Variants in ZRANB2 observed in about 807,000 individuals in gnomAD.
The protein encoded by ZRANB2 is zinc finger Ran-binding domain-containing protein 2.
In ZRANB2, 19 loss-of-function variants were observed where a neutral mutation model predicts 53.4. The ratio of observed to expected loss-of-function variants is 0.36; its 90% CI spans 0.25 to 0.52. ZRANB2 has a LOEUF of 0.52. ZRANB2 is among the 20% of genes least tolerant of loss of function. The probability of loss-of-function intolerance (pLI) is 0.93; values close to 1 mark genes in which losing one functional copy is unlikely to be tolerated. For synonymous variants in ZRANB2, 145 were observed against 134.8 expected (o/e 1.08, Z -0.52); for missense variants, 309 against 401.1 (o/e 0.77, Z 1.96).
At position 71,065,096 on chromosome 1, in the gene ZRANB2, C is replaced by T. The variant is rs752746050; in HGVS notation, c.971G>A (p.Arg324His). The change falls in exon 10 of 10, where the codon CGT becomes CAT. Residue 324 changes from arginine to histidine, a missense_variant. This residue lies in a region of ZRANB2 where 211 missense variants were observed against 196.1 expected (regional missense o/e 1.08). Transcript: ENST00000370920. The stretch of plus-strand genomic sequence containing the variant: ...ACATTATTTCTTTTTTGAACTTGAA[C>T]GGGAACCAGAATGGGATGATCCAGA... ...SSSGSSHSGS[R>H]SSSKKK is the part of the protein sequence containing the mutation. 23 of 1,610,740 alleles carry T rather than the reference C, an allele frequency of 1.4e-5. No homozygotes were observed. The East Asian group carries it at 1.6e-4, about 11-fold the overall frequency.
Position 71,069,332 on chromosome 1 carries a change from C to G in ZRANB2, c.714G>C (p.Gln238His). 6.2e-7 allele frequency: 1 copy of G among 1,612,828 alleles called. No homozygotes were observed. The highest frequency in any genetic ancestry group is 1.1e-5 in the South Asian group (1 of 91,006). Residue 238 changes from glutamine (Q) to histidine (H), a missense_variant, in exon 8 of 10, where the codon CAG (glutamine) becomes CAC (histidine). Transcript: ENST00000370920. ...CTCTGGAACTGGAACGAGATCTTGA[C>G]TGCGAACTGGAAGAACTTCTTGAAC... ...RSRSRSSSSS[Q>H]SRSRSSSRER... is the part of the protein sequence containing the mutation.
chr1:71,078,734 T>C lies in ZRANB2; in HGVS notation c.57-26A>G, dbSNP rs201468443. On this transcript the variant is annotated intron_variant, in intron 1 of 9. Coordinates refer to ENST00000370920, the MANE Select transcript of ZRANB2 (RefSeq NM_203350.3). ...CTAAAAACAGATTAAAAAGCATTTA[T>C]AAAAATTTAAATTTGTAAAATTTTA... is the stretch of plus-strand genomic sequence containing the variant. 8.8e-6 allele frequency: 14 copies of C among 1,590,846 alleles called. No homozygotes were observed. In the African/African-American group the frequency reaches 1.6e-4, roughly 18 times the overall value.
chr1:71,066,288 A>G (rs930849161), intron 9 of ZRANB2: 1 of 154,224 alleles, frequency 6.5e-6, no homozygotes, highest in African/African-American at 2.4e-5. Context: ...TATTAGCTAC[A>G]AGGAATAATT....
intron 4 of ZRANB2, among the ~76,000 whole-genome samples, chr1:71,073,047 C>T (rs571178882): frequency 6.6e-6 from 1 of 152,164 alleles, no homozygotes; most frequent in South Asian, 2.1e-4. Flanking sequence ...CACAATAACA[C>T]AATAAAGGCC....
chr1:71,069,790 ATGTG>A (rs780032789), intron 7 of ZRANB2, among the ~76,000 whole-genome samples: 4 of 152,044 alleles, frequency 2.6e-5, no homozygotes, highest in Non-Finnish European at 5.9e-5. Context: ...GAATGTTGGC[ATGTG>A]TGTATTTCAT....
chr1:71,080,315 G>A (rs1661810635), intron 1 of ZRANB2, among the ~76,000 whole-genome samples: 1 of 152,040 alleles, frequency 6.6e-6, no homozygotes, highest in Admixed American at 6.6e-5. Flanking sequence ...CATCTTAAGG[G>A]CTGAGTAGGC....
intron 9 of ZRANB2, chr1:71,065,887 T>A: frequency 1.5e-6 from 2 of 1,344,972 alleles, no homozygotes; most frequent in Non-Finnish European, 2.0e-6. Context: ...GAGTAATTTT[T>A]TTTACAAAGA....
chr1:71,069,805 C>T (rs1318681163), intron 7 of ZRANB2, among the ~76,000 whole-genome samples: 3 of 151,978 alleles, frequency 2.0e-5, no homozygotes, highest in Non-Finnish European at 2.9e-5. Flanking sequence ...TGTATTTCAT[C>T]CCTATATTTT....
At chr1:71,080,801 T>A in intron 1 of ZRANB2, 139 bp downstream of exon 1, 1 of 953,100 alleles carries the variant, frequency 1.0e-6, no homozygotes, top group South Asian at 1.4e-5. Context: ...GGAGCCTTCT[T>A]CCCGCCAGGG....
intron 9 of ZRANB2, chr1:71,065,622 T>A: frequency 3.2e-6 from 5 of 1,544,232 alleles, no homozygotes; most frequent in Non-Finnish European, 4.4e-6. Flanking sequence ...AAGATGATTG[T>A]ACAATTTGCT....
At chr1:71,067,174 C>A in intron 8 of ZRANB2, 1 of 326,662 alleles carries the variant, frequency 3.1e-6, no homozygotes, top group Non-Finnish European at 5.5e-6. Flanking sequence ...ACCCTGCTTA[C>A]TATATCAAAA....
chr1:71,065,820 A>G, intron 9 of ZRANB2: 4 of 1,588,920 alleles, frequency 2.5e-6, no homozygotes, highest in Non-Finnish European at 3.4e-6. Context: ...TATGTGGCTA[A>G]GATAAAAATT....
intron 9 of ZRANB2, chr1:71,066,472 G>C (rs1010073125): frequency 6.1e-5 from 14 of 227,756 alleles, no homozygotes; most frequent in Non-Finnish European, 1.1e-4. Flanking sequence ...AAATTACTTC[G>C]ACATACAGCT....
rs1296542371 is a variant in ZRANB2, at chr1:71,064,194, AAT to A, written c.*878_*879del. 3 of 152,436 alleles carry A rather than the reference AAT, an allele frequency of 2.0e-5. No individual in the cohort carries two copies. Among genetic ancestry groups the A allele is most frequent in the Non-Finnish European group, 4.4e-5 (3 of 67,894 alleles). 9.4% of individuals were successfully genotyped at this position (152,436 alleles called of 1,614,324 possible). A position where few individuals can be genotyped will look rare whatever the true frequency, so the allele number is the denominator to read the frequency against. ...GAGGCAAATGTTCACTTAAATTCACAATGTCTCCATTGGCCTTTCACCAAAAG... is the reference window on the plus strand; with the variant it reads ...GAGGCAAATGTTCACTTAAATTCACAGTCTCCATTGGCCTTTCACCAAAAG... On this transcript the variant is annotated 3_prime_UTR_variant, in exon 10 of 10. Coordinates refer to ENST00000370920, the MANE Select transcript of ZRANB2 (RefSeq NM_203350.3).
At chr1:71,067,900 A>G (rs1661489330) in intron 8 of ZRANB2, among the ~76,000 whole-genome samples, 1 of 147,856 alleles carries the variant, frequency 6.8e-6, no homozygotes, top group Non-Finnish European at 1.5e-5. Context: ...TTTTTGAGAC[A>G]GGATCTTGCT....
rs1278007495 is a variant in ZRANB2, at chr1:71,065,268, G to T, written c.930-131C>A. On this transcript the variant is annotated intron_variant, in intron 9 of 9. Coordinates refer to ENST00000370920, the MANE Select transcript of ZRANB2 (RefSeq NM_203350.3). ...AGCAAAAAAATTAAAAATTGAGATA[G>T]GAACTTACACACATAAAATTATCTG... The T allele has an allele frequency of 2.1e-5, 13 of 632,448 alleles. No homozygotes were observed. In the East Asian group the frequency reaches 3.6e-4, roughly 17 times the overall value. The allele number at this position is 632,448 out of a possible 1,614,324, so 39.2% of individuals were successfully genotyped here. A position where few individuals can be genotyped will look rare whatever the true frequency, so the allele number is the denominator to read the frequency against.
chr1:71,067,655 C>T (rs776722712), intron 8 of ZRANB2: 135 of 439,668 alleles, frequency 3.1e-4, no homozygotes, highest in Non-Finnish European at 3.0e-4. Flanking sequence ...AAAAAATTCA[C>T]CTTTGGGCTT....
At chr1:71,072,046 A>T in intron 6 of ZRANB2, 75 bp downstream of exon 6, 2 of 1,539,320 alleles carry the variant, frequency 1.3e-6, no homozygotes, top group South Asian at 2.6e-5. Flanking sequence ...CAAGTGTCTG[A>T]GGCTGTCAAA....
At chr1:71,069,246 T>A in intron 8 of ZRANB2, 30 bp downstream of exon 8, 2 of 1,556,858 alleles carry the variant, frequency 1.3e-6, no homozygotes, top group Non-Finnish European at 1.8e-6. Context: ...TTTTTCTCTC[T>A]GCTTTACAGA....
Sources: allele counts gnomAD v4.1 joint callset (sites outside exome capture counted in the v4.1 genomes callset), GRCh38; gene constraint gnomAD v4.1.1; regional missense constraint gnomAD v4.1.1; transcripts MANE v1.5; gene names NCBI Gene and HGNC (gene_info 2026-07-23, HGNC 2026-07-21).